Variants in LYZL1 observed in about 807,000 individuals in gnomAD.
The protein encoded by LYZL1 is lysozyme-like protein 1.
LYZL1 carries 16 observed loss-of-function variants against 17.9 expected under a neutral mutation model. The ratio of observed to expected loss-of-function variants is 0.90; its 90% CI spans 0.61 to 1.36. LYZL1 has a LOEUF of 1.36. Among genes scored for constraint, LYZL1 ranks in the 40% most tolerant of loss-of-function variants. The pLI, the probability that LYZL1 is intolerant of heterozygous loss-of-function variation, is 0.00. For missense variants in LYZL1, 149 were observed against 188.4 expected, an observed-to-expected ratio of 0.79 and a Z score of 1.22; for synonymous variants, 58 against 71.8, an observed-to-expected ratio of 0.81 and a Z score of 0.97.
At chr10:29,313,615 G>T (rs1002458856), downstream of LYZL1, among the ~76,000 whole-genome samples, 2 of 152,078 alleles carry the variant, frequency 1.3e-5, no homozygotes, top group African/African-American at 4.8e-5. Context: ...CTTCCCCCAT[G>T]TTTGATTTAT....
chr10:29,310,884 C>G lies in LYZL1; in HGVS notation c.378-106C>G, dbSNP rs540364414. ...AGCTCAGAAGCAAATGAAACCCAAC[C>G]CAGGGTTCCGCTGGCGATTTTGGTT... On this transcript the variant is annotated intron_variant, in intron 4 of 4. Coordinates refer to ENST00000649382, the MANE Select transcript of LYZL1 (RefSeq NM_032517.6). 2.0e-3 allele frequency: 3,159 copies of G among 1,565,994 alleles called. 89 individuals carry two copies. In the South Asian group the frequency reaches 0.033, roughly 17 times the overall value.
At chr10:29,303,753 C>G (rs1287177233) in intron 3 of LYZL1, among the ~76,000 whole-genome samples, 1 of 152,200 alleles carries the variant, frequency 6.6e-6, no homozygotes, top group Non-Finnish European at 1.5e-5. Context: ...AAAGGCCTCC[C>G]TTAGCCTCAG....
At chr10:29,294,351 G>A (rs1232520805) in intron 3 of LYZL1, among the ~76,000 whole-genome samples, 1 of 152,142 alleles carries the variant, frequency 6.6e-6, no homozygotes, top group Non-Finnish European at 1.5e-5. Flanking sequence ...GCAGGGTGTG[G>A]GATAGATTAA....
At chr10:29,315,524 AAT>A (rs200722693), downstream of LYZL1, among the ~76,000 whole-genome samples, 5,434 of 151,108 alleles carry the variant, frequency 0.036, 169 homozygotes, top group South Asian at 0.079. Context: ...AATAAATAAA[AAT>A]AAATAAATAA....
At chr10:29,291,313 G>A (rs1323973109) in intron 1 of LYZL1, among the ~76,000 whole-genome samples, 1 of 151,976 alleles carries the variant, frequency 6.6e-6, no homozygotes, top group Non-Finnish European at 1.5e-5. Context: ...TTTGTTAAGT[G>A]GAAGTGGATC....
At chr10:29,307,395 A>C (rs1835610340) in intron 3 of LYZL1, among the ~76,000 whole-genome samples, 1 of 152,232 alleles carries the variant, frequency 6.6e-6, no homozygotes, top group Non-Finnish European at 1.5e-5. Flanking sequence ...TCCTTCACTT[A>C]GCACGATCTC....
chr10:29,290,950 G>C (rs543123548), intron 1 of LYZL1, among the ~76,000 whole-genome samples: 1 of 152,242 alleles, frequency 6.6e-6, no homozygotes, highest in Admixed American at 6.5e-5. Context: ...TTCACTCTTC[G>C]ATAAACCCCC....
chr10:29,294,723 C>T (rs937103026), intron 3 of LYZL1, among the ~76,000 whole-genome samples: 1 of 152,182 alleles, frequency 6.6e-6, no homozygotes, highest in African/African-American at 2.4e-5. Flanking sequence ...GTTTTAACTT[C>T]TCTTTGCCAC....
chr10:29,315,395 C>T (rs1835717964), downstream of LYZL1, among the ~76,000 whole-genome samples: 4 of 152,076 alleles, frequency 2.6e-5, no homozygotes, highest in South Asian at 8.3e-4. Flanking sequence ...GCCTGTAATC[C>T]TAGCTACTCT....
rs150151062 is a variant in LYZL1 at position 29,289,087 on chromosome 10, G to A, written c.-169G>A. ...CTTGAGCTAGGAAAGGATTACTCGC[G>A]CCTCGTTAGAATCAGACATGGCTTC... On this transcript the variant is annotated 5_prime_UTR_variant, in exon 1 of 5. Coordinates refer to ENST00000649382, the MANE Select transcript of LYZL1 (RefSeq NM_032517.6). 1.9e-5 allele frequency: 29 copies of A among 1,535,790 alleles called. No individual in the cohort carries two copies. The East Asian group carries it at 3.7e-4, about 19-fold the overall frequency.
intron 3 of LYZL1, among the ~76,000 whole-genome samples, chr10:29,303,999 G>A (rs1336061391): frequency 6.6e-6 from 1 of 152,166 alleles, no homozygotes; most frequent in Non-Finnish European, 1.5e-5. Context: ...GGGCTCAAGC[G>A]ATCCTCCCAT....
chr10:29,309,730 A>G (rs1172535846), intron 3 of LYZL1, among the ~76,000 whole-genome samples: 32 of 152,160 alleles, frequency 2.1e-4, no homozygotes, highest in Admixed American at 2.1e-3. Context: ...TCCTGGCCTC[A>G]AGGGATGCTC....
intron 4 of LYZL1, chr10:29,318,048 G>A (rs1329556124): frequency 2.0e-6 from 1 of 490,852 alleles, no homozygotes; most frequent in Non-Finnish European, 2.6e-6. Flanking sequence ...ACTTTGAAAG[G>A]ATAAACTACA....
chr10:29,316,063 G>A (rs1835726595), downstream of LYZL1, among the ~76,000 whole-genome samples: 1 of 152,094 alleles, frequency 6.6e-6, no homozygotes, highest in Non-Finnish European at 1.5e-5. Flanking sequence ...GCGATGTCAG[G>A]GGAAGGAAAT....
At position 29,292,011 on chromosome 10, in the gene LYZL1, G is replaced by C. The variant is rs777340765; in HGVS notation, c.139+5G>C. ...GGGGCTTCAGCCTTGGAAACTGTGA[G>C]ACTCTTTCTTTCCTGCTCTCCTTCT... On this transcript the variant is annotated splice_donor_5th_base_variant and intron_variant, in intron 2 of 4. Coordinates refer to ENST00000649382, the MANE Select transcript of LYZL1 (RefSeq NM_032517.6). 4.6e-5 allele frequency: 59 copies of C among 1,275,106 alleles called. 10 individuals carry two copies. In the African/African-American group the frequency reaches 7.8e-4, roughly 17 times the overall value. 79.0% of individuals were successfully genotyped at this position (1,275,106 alleles called of 1,614,324 possible).
intron 3 of LYZL1, among the ~76,000 whole-genome samples, chr10:29,302,312 G>T (rs1485401273): frequency 6.6e-6 from 1 of 152,118 alleles, no homozygotes; most frequent in Non-Finnish European, 1.5e-5. Flanking sequence ...CTAATTTATT[G>T]AAAAAGAAAA....
chr10:29,310,318 T>C (rs1174551051), intron 4 of LYZL1, 130 bp downstream of exon 4: 1 of 659,886 alleles, frequency 1.5e-6, no homozygotes, highest in Non-Finnish European at 2.7e-6. Flanking sequence ...AGACCTTGTC[T>C]ATATTCTCCT....
At chr10:29,313,030 G>A (rs1835691058), downstream of LYZL1, among the ~76,000 whole-genome samples, 3 of 152,212 alleles carry the variant, frequency 2.0e-5, no homozygotes, top group Middle Eastern at 3.4e-3. Flanking sequence ...AACTCCCCAG[G>A]CCTCAACTGA....
At chr10:29,307,365 T>C (rs1588663037) in intron 3 of LYZL1, among the ~76,000 whole-genome samples, 1 of 152,334 alleles carries the variant, frequency 6.6e-6, no homozygotes, top group African/African-American at 2.4e-5. Context: ...CATGTGGTAT[T>C]TGTCTTTCTG....
Sources: gnomAD v4.1 joint callset for allele counts (sites outside exome capture counted in the v4.1 genomes callset) on GRCh38, gnomAD v4.1.1 for gene constraint, MANE v1.5 for transcripts, NCBI Gene and HGNC (gene_info 2026-07-23, HGNC 2026-07-21) for gene names.